GLRA2: variants seen among roughly 807,000 people sequenced by gnomAD.
GLRA2 encodes the protein glycine receptor alpha 2.
A neutral mutation model predicts 31.6 loss-of-function variants in GLRA2; 11 were observed. The ratio of observed to expected loss-of-function variants is 0.35; its 90% confidence interval spans 0.22 to 0.58. GLRA2 has a LOEUF of 0.58. GLRA2 is among the 20% of genes least tolerant of loss of function. GLRA2 has a pLI of 0.84. For synonymous variants in GLRA2, 132 were observed against 134.0 expected, an observed-to-expected ratio of 0.99 and a Z score of 0.10; for missense variants, 212 against 351.8, an observed-to-expected ratio of 0.60 and a Z score of 3.18.
chrX:14,625,464 G>A (rs921731185), intron 7 of GLRA2, among the ~76,000 whole-genome samples: 5 of 111,435 alleles, frequency 4.5e-5, no homozygotes, highest in East Asian at 2.8e-4. Context: ...ATAATTTGGC[G>A]TGTTTTTGCA....
At chrX:14,470,186 G>A in the GLRA2 span, among the ~76,000 whole-genome samples, 1 of 111,512 alleles carries the variant, frequency 9.0e-6, no homozygotes, top group African/African-American at 3.3e-5. Flanking sequence ...GTTTTCTTAC[G>A]AGAACTTTCA....
intron 8 of GLRA2, among the ~76,000 whole-genome samples, chrX:14,715,262 G>A (rs1305281131): frequency 8.9e-6 from 1 of 112,320 alleles, no homozygotes; most frequent in Non-Finnish European, 1.9e-5. Flanking sequence ...GTTATTGAGT[G>A]ACATTGTTAA....
chrX:14,705,510 A>C (rs1286286327), intron 8 of GLRA2, among the ~76,000 whole-genome samples: 1 of 111,988 alleles, frequency 8.9e-6, no homozygotes, highest in African/African-American at 3.2e-5. Context: ...GTCAAGTTTG[A>C]AAAACCCTAA....
chrX:14,641,696 T>C lies in GLRA2; in HGVS notation c.930+32491T>C, dbSNP rs775715908. ...GGTGTCATATTAGGCCCTCATTGTG[T>C]CCGTTAAGGTTAGAACATTATCCAA... is the stretch of plus-strand genomic sequence containing the variant. On this transcript the variant is annotated intron_variant, in intron 7 of 8. Coordinates refer to ENST00000218075, the MANE Select transcript of GLRA2 (RefSeq NM_002063.4). Among the ~76,000 whole-genome samples, 7 of 111,654 alleles carry C rather than the reference T, an allele frequency of 6.3e-5. No individual in the cohort carries two copies. In the South Asian group the frequency reaches 2.6e-3, roughly 42 times the overall value.
At chrX:14,600,126 G>A in intron 4 of GLRA2, among the ~76,000 whole-genome samples, 1 of 111,561 alleles carries the variant, frequency 9.0e-6, no homozygotes, top group Non-Finnish European at 1.9e-5. Flanking sequence ...ATTTCTCTCA[G>A]TGGGGTCTCC....
chrX:14,701,387 T>C (rs932895355), intron 8 of GLRA2, among the ~76,000 whole-genome samples: 2 of 110,938 alleles, frequency 1.8e-5, no homozygotes, highest in Non-Finnish European at 3.8e-5. Context: ...AACCCCTGGT[T>C]CAAAAACAAT....
chrX:14,630,780 G>A (rs1159769737), intron 7 of GLRA2, among the ~76,000 whole-genome samples: 3 of 104,324 alleles, frequency 2.9e-5, no homozygotes, highest in Non-Finnish European at 2.0e-5. Flanking sequence ...CAGGTTTGTC[G>A]TCTGGTGAAG....
At chrX:14,682,456 C>A (rs924575823) in intron 7 of GLRA2, among the ~76,000 whole-genome samples, 4 of 110,947 alleles carry the variant, frequency 3.6e-5, no homozygotes, top group Non-Finnish European at 7.6e-5. Context: ...TTGTCTCTTC[C>A]AAAATTTATC....
chrX:14,503,532 A>G, the GLRA2 span, among the ~76,000 whole-genome samples: 1 of 111,678 alleles, frequency 9.0e-6, no homozygotes, highest in East Asian at 2.8e-4. Flanking sequence ...TGATATGGAA[A>G]TAGCATTATC....
chrX:14,469,207 T>G, the GLRA2 span, among the ~76,000 whole-genome samples: 2 of 111,843 alleles, frequency 1.8e-5, no homozygotes, highest in African/African-American at 6.5e-5. Flanking sequence ...TTGTTGCCAT[T>G]GCTTTTGGTG....
At chrX:14,489,361 T>C in the GLRA2 span, among the ~76,000 whole-genome samples, 1 of 111,643 alleles carries the variant, frequency 9.0e-6, no homozygotes, top group African/African-American at 3.3e-5. Flanking sequence ...TCTCCTATTA[T>C]TGTTGTGGGA....
chrX:14,582,225 C>T (rs190036915), intron 4 of GLRA2, among the ~76,000 whole-genome samples: 1 of 77,917 alleles, frequency 1.3e-5, no homozygotes. Flanking sequence ...CCCTCCCCAC[C>T]CCCACAACAG....
At chrX:14,490,369 A>G in the GLRA2 span, among the ~76,000 whole-genome samples, 1 of 112,344 alleles carries the variant, frequency 8.9e-6, no homozygotes, top group African/African-American at 3.2e-5. Context: ...GGGCTCTAGT[A>G]CCAAGATCAA....
chrX:14,585,210 T>C (rs1173298665), intron 4 of GLRA2, among the ~76,000 whole-genome samples: 3 of 111,773 alleles, frequency 2.7e-5, no homozygotes, highest in Non-Finnish European at 5.6e-5. Flanking sequence ...AGATTTGAAC[T>C]GCAAGAATCT....
At chrX:14,616,794 T>C (rs1367357048) in intron 7 of GLRA2, among the ~76,000 whole-genome samples, 1 of 112,192 alleles carries the variant, frequency 8.9e-6, no homozygotes, top group Admixed American at 9.5e-5. Context: ...TTTTTGTACA[T>C]AATCAGGATC....
chrX:14,669,112 C>A (rs2091064537), intron 7 of GLRA2, among the ~76,000 whole-genome samples: 1 of 112,343 alleles, frequency 8.9e-6, no homozygotes, highest in African/African-American at 3.2e-5. Context: ...CTACAGGCCC[C>A]ATGCAAGTCC....
the GLRA2 span, among the ~76,000 whole-genome samples, chrX:14,523,507 C>T: frequency 1.8e-5 from 2 of 112,176 alleles, no homozygotes; most frequent in Non-Finnish European, 3.8e-5. Context: ...GTGCAAGAGG[C>T]CTAACTTTTG....
intron 1 of GLRA2, chrX:14,531,137 C>A (rs1272132561): frequency 1.1e-6 from 1 of 937,306 alleles, no homozygotes; most frequent in African/African-American, 2.0e-5. Context: ...CCATCATAAT[C>A]AAATAATACT....
At chrX:14,474,716 GCTGGGATGGCTGGGATGGCTGGGATGA>G in the GLRA2 span, among the ~76,000 whole-genome samples, 5 of 67,183 alleles carry the variant, frequency 7.4e-5, no homozygotes, top group African/African-American at 1.9e-4. Flanking sequence ...GGCTGGGATG[GCTGGGATGGCTGGGATGGCTGGGATGA>G]CTGGGGCCTC....
Sources: allele counts gnomAD v4.1 joint callset (sites outside exome capture counted in the v4.1 genomes callset), GRCh38; gene constraint gnomAD v4.1.1; transcripts MANE v1.5; gene names NCBI Gene and HGNC (gene_info 2026-07-23, HGNC 2026-07-21).